The following MCF2L2 variants were observed in gnomAD, a reference collection of about 807,000 sequenced individuals.
MCF2L2 encodes the protein probable guanine nucleotide exchange factor MCF2L2.
A neutral mutation model predicts 150.2 loss-of-function variants in MCF2L2; 102 were observed. The ratio of observed to expected loss-of-function variants is 0.68; its 90% confidence interval spans 0.58 to 0.80. The LOEUF (loss-of-function observed/expected upper bound fraction) is 0.80. Ranked by LOEUF, MCF2L2 falls within the 30% of genes least tolerant of loss-of-function variation. MCF2L2 has a pLI of 0.00. For missense variants in MCF2L2, 1,256 were observed against 1,372.8 expected (o/e 0.91, Z 1.34); for synonymous variants, 465 against 491.3 (o/e 0.95, Z 0.71).
intron 27 of MCF2L2, chr3:183,182,437 A>G (rs1721559875): frequency 6.6e-6 from 1 of 152,272 alleles, no homozygotes; most frequent in Non-Finnish European, 1.5e-5. Context: ...ACCCCCTAAC[A>G]CAGCATACAC....
At chr3:183,205,664 G>T (rs1221745834) in intron 25 of MCF2L2, among the ~76,000 whole-genome samples, 1 of 152,002 alleles carries the variant, frequency 6.6e-6, no homozygotes, top group Non-Finnish European at 1.5e-5. Context: ...CAACCAAAAG[G>T]GACAAACCAA....
At chr3:183,394,871 G>A (rs563924060) in intron 1 of MCF2L2, among the ~76,000 whole-genome samples, 1 of 152,108 alleles carries the variant, frequency 6.6e-6, no homozygotes, top group South Asian at 2.1e-4. Context: ...AGAACCTCAG[G>A]GAGTGAAGCA....
At chr3:183,318,330 T>C in intron 6 of MCF2L2, 113 bp from the exon 7 acceptor site, 1 of 1,227,364 alleles carries the variant, frequency 8.1e-7, no homozygotes, top group Non-Finnish European at 1.2e-6. Context: ...TCACCTCACC[T>C]TGGAAATGGT....
rs561942907 is a variant in MCF2L2, at chr3:183,295,010, G to A, written c.1675+290C>T. Among the ~76,000 whole-genome samples, 18 of 152,134 alleles carry A rather than the reference G, an allele frequency of 1.2e-4. No individual in the cohort carries two copies. In the East Asian group the frequency reaches 1.4e-3, roughly 11 times the overall value. On this transcript the variant is annotated intron_variant, in intron 13 of 29. Coordinates refer to ENST00000328913, the MANE Select transcript of MCF2L2 (RefSeq NM_015078.4). ...ATTCCTGACCTCAGATAATCCACCC[G>A]CCACGGCCTCCCAAAGTGCTGGGAT...
intron 2 of MCF2L2, among the ~76,000 whole-genome samples, chr3:183,382,328 G>A (rs1485977590): frequency 2.0e-5 from 3 of 152,096 alleles, no homozygotes; most frequent in East Asian, 1.9e-4. Context: ...CTAAGTGCTG[G>A]GATTACAGGC....
chr3:183,274,726 C>CA (rs1171713385), intron 15 of MCF2L2, among the ~76,000 whole-genome samples: 5 of 152,160 alleles, frequency 3.3e-5, no homozygotes, highest in African/African-American at 4.8e-5. Context: ...TCTTGATATG[C>CA]AAGGTTATTC....
chr3:183,316,948 C>T (rs535307007), intron 7 of MCF2L2, among the ~76,000 whole-genome samples: 9 of 151,412 alleles, frequency 5.9e-5, no homozygotes, highest in East Asian at 2.0e-4. Flanking sequence ...TCAAGTGATC[C>T]GCCCACCTCG....
rs114734965 is a variant in MCF2L2 at position 183,364,880 on chromosome 3, G to C, written c.275+14417C>G. ...TTAAACAGGACCAGTTTAGCTGAAC[G>C]TTATCAAGGCCCAGATGGTTTCACA... On this transcript the variant is annotated intron_variant, in intron 3 of 29. Coordinates refer to ENST00000328913, the MANE Select transcript of MCF2L2 (RefSeq NM_015078.4). 4.8e-3 allele frequency among the ~76,000 whole-genome samples: 727 copies of C among 152,224 alleles called. 4 individuals carry two copies. Among genetic ancestry groups the C allele is most frequent in the African/African-American group, 0.017 (703 of 41,542 alleles).
At chr3:183,333,169 C>T (rs189905335) in intron 5 of MCF2L2, among the ~76,000 whole-genome samples, 3 of 152,242 alleles carry the variant, frequency 2.0e-5, no homozygotes, top group Admixed American at 2.0e-4. Context: ...GCCTCAGCCC[C>T]CCGAGTAGCT....
At chr3:183,361,537 T>G (rs1026364819) in intron 3 of MCF2L2, among the ~76,000 whole-genome samples, 1 of 152,178 alleles carries the variant, frequency 6.6e-6, no homozygotes, top group South Asian at 2.1e-4. Flanking sequence ...CCTGCCGCCA[T>G]GGTAAGGCAT....
intron 2 of MCF2L2, among the ~76,000 whole-genome samples, chr3:183,385,711 G>C (rs1184849054): frequency 6.6e-6 from 1 of 152,204 alleles, no homozygotes; most frequent in Non-Finnish European, 1.5e-5. Context: ...GTTGATTGAT[G>C]GCTAATTCAC....
intron 1 of MCF2L2, among the ~76,000 whole-genome samples, chr3:183,402,797 CCAAT>C (rs1251243761): frequency 6.6e-6 from 1 of 151,516 alleles, no homozygotes; most frequent in Non-Finnish European, 1.5e-5. Flanking sequence ...TGAGGCATTG[CCAAT>C]CAATGAAAAA....
intron 3 of MCF2L2, among the ~76,000 whole-genome samples, chr3:183,351,190 GTATATATATATATATATATA>G (rs60311053): frequency 0.013 from 493 of 38,850 alleles, 21 homozygotes; most frequent in Middle Eastern, 0.052. Context: ...ATTTTCTTAA[GTATATATATATATATATATA>G]TATATATATA....
At chr3:183,307,022 T>A (rs145930001) in intron 10 of MCF2L2, among the ~76,000 whole-genome samples, 164 of 152,308 alleles carry the variant, frequency 1.1e-3, no homozygotes, top group African/African-American at 3.8e-3. Context: ...GAAGGAGCAT[T>A]CAAAAGACTG....
At position 183,411,621 on chromosome 3, in the gene MCF2L2, T is replaced by A. The variant is rs1374130442; in HGVS notation, c.76+16281A>T. On this transcript the variant is annotated intron_variant, in intron 1 of 29. Coordinates refer to ENST00000328913, the MANE Select transcript of MCF2L2 (RefSeq NM_015078.4). The stretch of plus-strand genomic sequence containing the variant: ...AAATGTTAGGCTACTTGAAGCTTTT[T>A]TTTTTTTTTAATAGGGAACACACAT... Among the ~76,000 whole-genome samples the A allele has an allele frequency of 2.0e-5, 3 of 152,138 alleles. No individual in the cohort carries two copies. In the East Asian group the frequency reaches 5.8e-4, roughly 29 times the overall value.
Position 183,415,854 on chromosome 3 carries a change from G to T in MCF2L2, c.76+12048C>A, listed in dbSNP as rs1715561235. On this transcript the variant is annotated intron_variant, in intron 1 of 29. Transcript: ENST00000328913. ...GCCTGACAATTTCTGCCTTTTGATTGGATCATTTATCCATTCACACTTAAT... is the reference window on the plus strand; with the variant it reads ...GCCTGACAATTTCTGCCTTTTGATTTGATCATTTATCCATTCACACTTAAT... 1.3e-5 allele frequency among the ~76,000 whole-genome samples: 2 copies of T among 151,926 alleles called. 1 individual carries two copies. Among genetic ancestry groups the T allele is most frequent in the African/African-American group, 4.8e-5 (2 of 41,368 alleles).
chr3:183,202,163 G>A (rs943041032), intron 25 of MCF2L2, among the ~76,000 whole-genome samples: 1 of 152,070 alleles, frequency 6.6e-6, no homozygotes, highest in African/African-American at 2.4e-5. Flanking sequence ...ATCTGTCCAC[G>A]GGTTTCTAGG....
At chr3:183,264,438 T>A (rs1481218589) in intron 15 of MCF2L2, among the ~76,000 whole-genome samples, 1 of 152,246 alleles carries the variant, frequency 6.6e-6, no homozygotes, top group African/African-American at 2.4e-5. Flanking sequence ...GGAACTATGC[T>A]TTCATGTGGG....
At chr3:183,260,167 C>T (rs992375805) in intron 15 of MCF2L2, among the ~76,000 whole-genome samples, 4 of 152,096 alleles carry the variant, frequency 2.6e-5, no homozygotes, top group South Asian at 2.1e-4. Context: ...ATGGTTAACT[C>T]GGTATCTCGA....
Sources: allele counts gnomAD v4.1 joint callset (sites outside exome capture counted in the v4.1 genomes callset), GRCh38; gene constraint gnomAD v4.1.1; transcripts MANE v1.5; gene names NCBI Gene and HGNC (gene_info 2026-07-23, HGNC 2026-07-21).